The following UGT2A2 variants were observed in gnomAD, a reference collection of about 807,000 sequenced individuals.
UGT2A2 encodes UDP-glucuronosyltransferase 2A2.
Under a neutral mutation model 50.7 loss-of-function variants are expected in UGT2A2, and 60 were observed. The observed-to-expected ratio is 1.18, with a 90% confidence interval of 0.96 to 1.47. UGT2A2 has a LOEUF of 1.47. Among genes scored for constraint, UGT2A2 ranks in the 40% most tolerant of loss-of-function variants. The probability of loss-of-function intolerance (pLI) is 0.00; values close to 1 mark genes in which losing one functional copy is unlikely to be tolerated. For missense variants in UGT2A2, 762 were observed against 634.0 expected, an observed-to-expected ratio of 1.20 and a Z score of -2.17; for synonymous variants, 242 against 214.6, an observed-to-expected ratio of 1.13 and a Z score of -1.11.
intron 1 of UGT2A2, among the ~76,000 whole-genome samples, chr4:69,610,874 CA>C (rs1719994501): frequency 2.6e-5 from 4 of 152,194 alleles, no homozygotes; most frequent in Admixed American, 2.6e-4. Flanking sequence ...AGCACTGCTA[CA>C]GCTACACACC....
At chr4:69,602,350 T>G (rs1719342094) in intron 1 of UGT2A2, among the ~76,000 whole-genome samples, 1 of 137,440 alleles carries the variant, frequency 7.3e-6, no homozygotes, top group South Asian at 2.4e-4. Flanking sequence ...AAGAGCATTC[T>G]TATCAAGACG....
intron 1 of UGT2A2, among the ~76,000 whole-genome samples, chr4:69,620,190 A>T (rs1401238931): frequency 6.6e-6 from 1 of 152,016 alleles, no homozygotes; most frequent in Non-Finnish European, 1.5e-5. Flanking sequence ...AGAAAGTCAA[A>T]CTTTCCTGGT....
At chr4:69,616,729 A>C (rs950980548) in intron 1 of UGT2A2, among the ~76,000 whole-genome samples, 1 of 151,878 alleles carries the variant, frequency 6.6e-6, no homozygotes, top group African/African-American at 2.4e-5. Flanking sequence ...AGAAATGGAA[A>C]AGTATAAGCT....
chr4:69,634,544 G>T (rs189119068), intron 1 of UGT2A2, among the ~76,000 whole-genome samples: 11 of 152,030 alleles, frequency 7.2e-5, no homozygotes, highest in Non-Finnish European at 1.6e-4. Context: ...GATAGAGGGG[G>T]AAGGTTAAGA....
intron 1 of UGT2A2, among the ~76,000 whole-genome samples, chr4:69,634,939 G>A (rs1280783895): frequency 1.3e-5 from 2 of 151,916 alleles, no homozygotes; most frequent in South Asian, 2.1e-4. Flanking sequence ...TTTTCTTCAT[G>A]GGCTGGGATA....
At chr4:69,637,908 A>C (rs1033316795) in intron 1 of UGT2A2, among the ~76,000 whole-genome samples, 2 of 150,120 alleles carry the variant, frequency 1.3e-5, no homozygotes, top group Non-Finnish European at 3.0e-5. Context: ...GGCAAGAAGG[A>C]AGGCAGGCAG....
intron 1 of UGT2A2, among the ~76,000 whole-genome samples, chr4:69,623,977 A>C (rs1019721675): frequency 6.6e-6 from 1 of 151,684 alleles, no homozygotes; most frequent in Non-Finnish European, 1.5e-5. Flanking sequence ...AAATGTAACA[A>C]AAACATGTAA....
intron 2 of UGT2A2, among the ~76,000 whole-genome samples, chr4:69,598,206 G>A (rs2109887580): frequency 1.3e-5 from 2 of 152,178 alleles, no homozygotes; most frequent in Non-Finnish European, 2.9e-5. Flanking sequence ...TTAGAATCCT[G>A]AAATAAAATT....
intron 5 of UGT2A2, 72 bp downstream of exon 5, chr4:69,594,405 G>C: frequency 2.6e-6 from 4 of 1,547,848 alleles, no homozygotes; most frequent in Non-Finnish European, 2.6e-6. Context: ...AAGTATAAAA[G>C]AATGTACATT....
intron 1 of UGT2A2, among the ~76,000 whole-genome samples, chr4:69,625,344 T>C (rs576988471): frequency 6.6e-6 from 1 of 151,216 alleles, no homozygotes; most frequent in East Asian, 1.9e-4. Context: ...ATTTGAAAAA[T>C]TTGGGGCCAT....
intron 2 of UGT2A2, among the ~76,000 whole-genome samples, chr4:69,597,023 A>T (rs1718970878): frequency 6.6e-6 from 1 of 152,152 alleles, no homozygotes; most frequent in Non-Finnish European, 1.5e-5. Flanking sequence ...AACTCATAAA[A>T]ACAGTTTTTG....
Position 69,639,355 on chromosome 4 carries a change from T to C in UGT2A2, c.286A>G (p.Ile96Val), listed in dbSNP as rs1277532021. Reference sequence around the variant, plus strand: ...ATCCACAGCATTATCATATGCTCAATTAAGGAATCTATATTGCTCTTCTTG... The same window carrying C: ...ATCCACAGCATTATCATATGCTCAACTAAGGAATCTATATTGCTCTTCTTG... ...SYKKSNIDSL[I>V]EHMIMLWIDH... The change falls in exon 1 of 6, where the codon ATT (isoleucine) becomes GTT (valine). Residue 96 changes from isoleucine to valine, a missense_variant. Physicochemically the swap from Ile to Val is conservative, Grantham distance 29. Transcript: ENST00000604629. 2 of 1,613,622 alleles carry C rather than the reference T, an allele frequency of 1.2e-6. No individual in the cohort carries two copies. Among genetic ancestry groups the C allele is most frequent in the Non-Finnish European group, 1.7e-6 (2 of 1,179,752 alleles).
chr4:69,620,288 C>T (rs560441574), intron 1 of UGT2A2, among the ~76,000 whole-genome samples: 1 of 125,956 alleles, frequency 7.9e-6, no homozygotes, highest in South Asian at 2.6e-4. Context: ...AGTAAAGTTT[C>T]AGGAAAAAAA....
At chr4:69,619,572 G>GAA (rs1720619106) in intron 1 of UGT2A2, among the ~76,000 whole-genome samples, 2 of 151,638 alleles carry the variant, frequency 1.3e-5, no homozygotes, top group African/African-American at 4.8e-5. Flanking sequence ...TAACATAAAA[G>GAA]GAATATAATC....
chr4:69,631,816 C>A (rs1057110757), intron 1 of UGT2A2, among the ~76,000 whole-genome samples: 1 of 152,088 alleles, frequency 6.6e-6, no homozygotes, highest in Non-Finnish European at 1.5e-5. Flanking sequence ...TTAATGAAAT[C>A]ACAATTGAGC....
intron 1 of UGT2A2, among the ~76,000 whole-genome samples, chr4:69,623,735 A>G (rs1720885783): frequency 6.6e-6 from 1 of 151,340 alleles, no homozygotes; most frequent in South Asian, 2.1e-4. Context: ...TTAGTGTAAA[A>G]TTATATGTAA....
rs1719401771 is a variant in UGT2A2, at chr4:69,603,237, G to A, written c.743-3843C>T. Among the ~76,000 whole-genome samples, 4 of 135,794 alleles carry A rather than the reference G, an allele frequency of 2.9e-5. 1 individual carries two copies. The highest frequency in any genetic ancestry group is 6.2e-5 in the Non-Finnish European group (4 of 64,044). 89.1% of individuals were successfully genotyped at this position (135,794 alleles called of 152,430 possible). A position where few individuals can be genotyped will look rare whatever the true frequency, so the allele number is the denominator to read the frequency against. On this transcript the variant is annotated intron_variant, in intron 1 of 5. Coordinates refer to ENST00000604629, the MANE Select transcript of UGT2A2 (RefSeq NM_001105677.2). ...GAACTCCAGATGAAGAGATACAAGA[G>A]GAAGGAATATTATTTTACCAGATAT...
intron 1 of UGT2A2, among the ~76,000 whole-genome samples, chr4:69,603,927 A>T (rs1433762924): frequency 1.4e-4 from 19 of 135,308 alleles, no homozygotes; most frequent in South Asian, 2.4e-4. Context: ...TGAAAAGACC[A>T]AATCTACGTC....
chr4:69,631,408 G>C (rs1399655875), intron 1 of UGT2A2, among the ~76,000 whole-genome samples: 1 of 152,062 alleles, frequency 6.6e-6, no homozygotes, highest in Non-Finnish European at 1.5e-5. Flanking sequence ...TTAGAAAAAT[G>C]CTTCAGTGGA....
Sources: gnomAD v4.1 joint callset for allele counts (sites outside exome capture counted in the v4.1 genomes callset) on GRCh38, gnomAD v4.1.1 for gene constraint, MANE v1.5 for transcripts, NCBI Gene and HGNC (gene_info 2026-07-23, HGNC 2026-07-21) for gene names.